DIAPH2: variants seen among roughly 807,000 people sequenced by gnomAD.
DIAPH2 encodes the protein diaphanous related formin 2.
A neutral mutation model predicts 92.7 loss-of-function variants in DIAPH2; 35 were observed. The ratio of observed to expected loss-of-function variants is 0.38; its 90% CI spans 0.29 to 0.50. The LOEUF (loss-of-function observed/expected upper bound fraction) is 0.50. DIAPH2 is among the 20% of genes least tolerant of loss of function. The pLI, the probability that DIAPH2 is intolerant of heterozygous loss-of-function variation, is 0.94. For missense variants in DIAPH2, 701 were observed against 819.5 expected, an observed-to-expected ratio of 0.86 and a Z score of 1.77; for synonymous variants, 301 against 280.4, an observed-to-expected ratio of 1.07 and a Z score of -0.73.
intron 22 of DIAPH2, among the ~76,000 whole-genome samples, chrX:97,171,121 G>A (rs1344959928): frequency 3.6e-5 from 4 of 111,493 alleles, no homozygotes; most frequent in African/African-American, 9.7e-5. Flanking sequence ...CAATCCACCC[G>A]CCTCGGCCTC....
At chrX:97,597,150 A>G in intron 26 of DIAPH2, among the ~76,000 whole-genome samples, 1 of 111,564 alleles carries the variant, frequency 9.0e-6, no homozygotes, top group East Asian at 2.8e-4. Context: ...TATTGGGACA[A>G]ATTAGGCATC....
intron 4 of DIAPH2, among the ~76,000 whole-genome samples, chrX:96,770,857 TC>T (rs758274038): frequency 8.9e-6 from 1 of 112,478 alleles, no homozygotes; most frequent in East Asian, 2.8e-4. Context: ...TTCAGTCTTT[TC>T]TAATTTCACA....
At chrX:96,906,225 C>T (rs2065433190) in intron 5 of DIAPH2, among the ~76,000 whole-genome samples, 1 of 112,604 alleles carries the variant, frequency 8.9e-6, no homozygotes, top group Admixed American at 9.3e-5. Context: ...TTTCAGCCTC[C>T]CGAATAGCTG....
At chrX:97,336,886 C>CG (rs2069067401) in intron 23 of DIAPH2, among the ~76,000 whole-genome samples, 1 of 110,639 alleles carries the variant, frequency 9.0e-6, no homozygotes, top group African/African-American at 3.3e-5. Context: ...TCTTATCTCT[C>CG]TAATAACTAC....
At chrX:96,979,588 G>A (rs931893850) in intron 17 of DIAPH2, among the ~76,000 whole-genome samples, 5 of 111,976 alleles carry the variant, frequency 4.5e-5, no homozygotes, top group Non-Finnish European at 7.5e-5. Flanking sequence ...ATTTACTATC[G>A]TCTTGACTCA....
At chrX:97,328,887 C>CTA (rs768520087) in intron 23 of DIAPH2, among the ~76,000 whole-genome samples, 13 of 111,636 alleles carry the variant, frequency 1.2e-4, no homozygotes, top group African/African-American at 3.2e-4. Flanking sequence ...TTAGGAAGCA[C>CTA]TATACATCAT....
chrX:96,889,447 A>G (rs1237205741), intron 5 of DIAPH2, among the ~76,000 whole-genome samples: 1 of 112,049 alleles, frequency 8.9e-6, no homozygotes, highest in Non-Finnish European at 1.9e-5. Flanking sequence ...CCATCATGTG[A>G]TAAATTACGA....
intron 4 of DIAPH2, among the ~76,000 whole-genome samples, chrX:96,787,011 GCTAT>G (rs935702933): frequency 3.6e-5 from 4 of 111,665 alleles, no homozygotes; most frequent in Admixed American, 1.9e-4. Context: ...GCTTTCAGCT[GCTAT>G]CTTAGTTTTT....
At position 97,089,734 on chromosome X, in the gene DIAPH2, A is replaced by AT. The variant is rs1197107820; in HGVS notation, c.2248-9950dup. Among the ~76,000 whole-genome samples the AT allele has an allele frequency of 4.2e-3, 448 of 106,773 alleles. 4 individuals are homozygous for AT. Among genetic ancestry groups the AT allele is most frequent in the African/African-American group, 0.014 (405 of 29,423 alleles). 92.7% of individuals were successfully genotyped at this position (106,773 alleles called of 115,157 possible). ...GGAAAATAATCAATTATTTTATTTT[A>AT]TTTTTTTTTTGGAGACAGAGTCTTG... On this transcript the variant is annotated intron_variant, in intron 19 of 26. Coordinates refer to ENST00000324765, the MANE Select transcript of DIAPH2 (RefSeq NM_006729.5).
chrX:96,971,967 T>A (rs1027971853), intron 17 of DIAPH2, among the ~76,000 whole-genome samples: 2 of 111,957 alleles, frequency 1.8e-5, no homozygotes, highest in Non-Finnish European at 3.8e-5. Flanking sequence ...GTGCCTTGAT[T>A]CATACTGTGG....
intron 23 of DIAPH2, among the ~76,000 whole-genome samples, chrX:97,303,324 A>G (rs1823809280): frequency 1.8e-5 from 2 of 111,612 alleles, no homozygotes; most frequent in South Asian, 7.5e-4. Context: ...ACAACAGATC[A>G]TCTTGTTTTT....
intron 26 of DIAPH2, among the ~76,000 whole-genome samples, chrX:97,551,174 A>G (rs1020981158): frequency 1.8e-5 from 2 of 111,204 alleles, no homozygotes; most frequent in African/African-American, 3.3e-5. Context: ...CTACTTTACA[A>G]TTTTGCCTGG....
intron 4 of DIAPH2, among the ~76,000 whole-genome samples, chrX:96,854,447 A>G (rs1412785230): frequency 2.9e-5 from 3 of 105,233 alleles, no homozygotes; most frequent in Non-Finnish European, 3.9e-5. Flanking sequence ...GGCATATACA[A>G]TAGTCCCCCC....
intron 14 of DIAPH2, 46 bp downstream of exon 14, chrX:96,945,637 A>G (rs1315094617): frequency 1.1e-6 from 1 of 884,794 alleles, no homozygotes; most frequent in Non-Finnish European, 1.6e-6. Flanking sequence ...TAATAATTTA[A>G]TCACAGTAAT....
chrX:97,237,583 A>G (rs1479883069), intron 22 of DIAPH2, among the ~76,000 whole-genome samples: 1 of 104,001 alleles, frequency 9.6e-6, no homozygotes, highest in Non-Finnish European at 2.0e-5. Context: ...TCTTTTTTCT[A>G]TTTTTTTTTT....
intron 23 of DIAPH2, among the ~76,000 whole-genome samples, chrX:97,337,432 G>A (rs2069073860): frequency 9.0e-6 from 1 of 111,116 alleles, no homozygotes; most frequent in Non-Finnish European, 1.9e-5. Context: ...TTTCATGATA[G>A]TGAGTTCTCA....
At chrX:97,060,781 G>A (rs961550448) in intron 17 of DIAPH2, among the ~76,000 whole-genome samples, 1 of 112,179 alleles carries the variant, frequency 8.9e-6, no homozygotes, top group Non-Finnish European at 1.9e-5. Flanking sequence ...ATGCTCTACA[G>A]CACTGAATAT....
rs773841988 is a variant in DIAPH2, at chrX:96,935,443, C to T, written c.1090-1790C>T. Among the ~76,000 whole-genome samples, 4 of 111,327 alleles carry T rather than the reference C, an allele frequency of 3.6e-5. No individual in the cohort carries two copies. In the South Asian group the frequency reaches 1.5e-3, roughly 42 times the overall value. Reference sequence around the variant, plus strand: ...CTGCACCTTGAATCAAAACCATATACAGTAGGTCCTTGAATAATGTCCTTT... The same window carrying T: ...CTGCACCTTGAATCAAAACCATATATAGTAGGTCCTTGAATAATGTCCTTT... On this transcript the variant is annotated intron_variant, in intron 10 of 26. Transcript: ENST00000324765.
At chrX:97,584,242 C>G (rs1014210712) in intron 26 of DIAPH2, among the ~76,000 whole-genome samples, 1 of 112,149 alleles carries the variant, frequency 8.9e-6, no homozygotes, top group African/African-American at 3.2e-5. Flanking sequence ...GGAAGAAAGC[C>G]TGAGTATAGT....
Sources: allele counts gnomAD v4.1 joint callset (sites outside exome capture counted in the v4.1 genomes callset), GRCh38; gene constraint gnomAD v4.1.1; transcripts MANE v1.5; gene names NCBI Gene and HGNC (gene_info 2026-07-23, HGNC 2026-07-21).